Variants in NPAS3 observed in about 807,000 individuals in gnomAD.
NPAS3 encodes the protein neuronal PAS domain-containing protein 3.
Under a neutral mutation model 73.1 loss-of-function variants are expected in NPAS3, and 14 were observed. The ratio of observed to expected loss-of-function variants is 0.19; its 90% confidence interval spans 0.13 to 0.30. The LOEUF (loss-of-function observed/expected upper bound fraction) is 0.30, where lower values mean the gene tolerates loss of function less well. NPAS3 is among the 10% of genes least tolerant of loss of function. The pLI, the probability that NPAS3 is intolerant of heterozygous loss-of-function variation, is 1.00. For synonymous variants in NPAS3, 620 were observed against 541.5 expected (o/e 1.14, Z -2.01); for missense variants, 1,096 against 1,250.0 (o/e 0.88, Z 1.86).
At chr14:33,367,160 T>TTTTC (rs141959357) in intron 3 of NPAS3, 26 bp from the exon 4 acceptor site, 1 of 827,630 alleles carries the variant, frequency 1.2e-6, no homozygotes, top group Admixed American at 2.1e-5. Context: ...AATTGTTCTG[T>TTTTC]TTTCTTTCTT....
chr14:33,199,874 C>T (rs1013552825), intron 2 of NPAS3, among the ~76,000 whole-genome samples: 1 of 152,048 alleles, frequency 6.6e-6, no homozygotes. Context: ...AGATCAGCAG[C>T]AGCATAATCA....
upstream of NPAS3, chr14:32,939,255 GC>G (rs1555373210): frequency 1.7e-5 from 7 of 405,146 alleles, no homozygotes; most frequent in Non-Finnish European, 2.9e-5. Flanking sequence ...GCCCGCCCAC[GC>G]CCCCCACCCG....
At chr14:33,746,160 T>TTTTTA (rs1019702591) in intron 7 of NPAS3, among the ~76,000 whole-genome samples, 1 of 151,222 alleles carries the variant, frequency 6.6e-6, no homozygotes, top group Non-Finnish European at 1.5e-5. Flanking sequence ...GACTCATTCT[T>TTTTTA]TTTTATTTTA....
chr14:33,322,407 CT>C (rs1435432843), intron 3 of NPAS3, among the ~76,000 whole-genome samples: 1 of 151,372 alleles, frequency 6.6e-6, no homozygotes, highest in Non-Finnish European at 1.5e-5. Flanking sequence ...TTCAGATCTA[CT>C]TTTGCATTCC....
chr14:33,192,501 C>T (rs901183782), intron 2 of NPAS3, among the ~76,000 whole-genome samples: 1 of 152,178 alleles, frequency 6.6e-6, no homozygotes, highest in Admixed American at 6.5e-5. Flanking sequence ...TGAGTCTTGC[C>T]AGTGTGTTGG....
intron 2 of NPAS3, among the ~76,000 whole-genome samples, chr14:33,206,698 G>A (rs753058103): frequency 6.6e-6 from 1 of 152,058 alleles, no homozygotes; most frequent in Non-Finnish European, 1.5e-5. Context: ...TTTATATTAG[G>A]TTCCATGATG....
intron 9 of NPAS3, among the ~76,000 whole-genome samples, chr14:33,791,194 C>T (rs537745679): frequency 6.6e-6 from 1 of 152,180 alleles, no homozygotes; most frequent in Non-Finnish European, 1.5e-5. Flanking sequence ...ACGGTGGGCT[C>T]CCGAACCTGC....
chr14:33,306,551 G>A (rs973425951), intron 3 of NPAS3, among the ~76,000 whole-genome samples: 1 of 152,196 alleles, frequency 6.6e-6, no homozygotes, highest in African/African-American at 2.4e-5. Flanking sequence ...AAGATGAATT[G>A]TGGGAATGCA....
chr14:33,268,347 C>T (rs1325423279), intron 3 of NPAS3, among the ~76,000 whole-genome samples: 2 of 152,152 alleles, frequency 1.3e-5, no homozygotes, highest in South Asian at 2.1e-4. Flanking sequence ...GAGATGCTAT[C>T]TCTCCATAGA....
intron 4 of NPAS3, among the ~76,000 whole-genome samples, chr14:33,460,990 G>C (rs2050237818): frequency 6.6e-6 from 1 of 152,108 alleles, no homozygotes; most frequent in Non-Finnish European, 1.5e-5. Context: ...TGACAACAAG[G>C]ACATTTTTGA....
At chr14:33,194,788 G>A (rs757415753) in intron 2 of NPAS3, among the ~76,000 whole-genome samples, 116 of 152,240 alleles carry the variant, frequency 7.6e-4, no homozygotes, top group Non-Finnish European at 1.2e-3. Flanking sequence ...TACTTTGGCC[G>A]CTCAGGTTTT....
chr14:33,623,206 G>T (rs1405298979), intron 5 of NPAS3, among the ~76,000 whole-genome samples: 1 of 152,074 alleles, frequency 6.6e-6, no homozygotes, highest in African/African-American at 2.4e-5. Flanking sequence ...TCAATATTTT[G>T]CTAAAAATAC....
At chr14:33,762,107 T>C (rs1311801891) in intron 7 of NPAS3, among the ~76,000 whole-genome samples, 1 of 152,224 alleles carries the variant, frequency 6.6e-6, no homozygotes, top group Non-Finnish European at 1.5e-5. Context: ...CCAAAAGGAC[T>C]CTTGAGAAAT....
intron 4 of NPAS3, among the ~76,000 whole-genome samples, chr14:33,537,892 G>A (rs544638536): frequency 2.0e-5 from 3 of 152,236 alleles, no homozygotes; most frequent in South Asian, 2.1e-4. Flanking sequence ...AGCACTGCTC[G>A]CCTTGACGAT....
At position 33,080,876 on chromosome 14, in the gene NPAS3, C is replaced by G. The variant is rs60351482; in HGVS notation, c.140+24882C>G. 3.6e-3 allele frequency among the ~76,000 whole-genome samples: 549 copies of G among 152,332 alleles called. 5 individuals are homozygous for G. The highest frequency in any genetic ancestry group is 0.013 in the African/African-American group (529 of 41,578). ...TACTCTGATTTTTAGTTAAAAGCTGCTTAACAAAGAGAATGTTGTTCTTTC... is the reference window on the plus strand; with the variant it reads ...TACTCTGATTTTTAGTTAAAAGCTGGTTAACAAAGAGAATGTTGTTCTTTC... On this transcript the variant is annotated intron_variant, in intron 2 of 11. Coordinates refer to ENST00000356141, the Ensembl canonical transcript of NPAS3.
chr14:33,672,701 GAA>G (rs3059410), intron 5 of NPAS3, among the ~76,000 whole-genome samples: 54,749 of 144,992 alleles, frequency 0.38, 10,641 homozygotes, highest in African/African-American at 0.52. Context: ...CCATAAGAGA[GAA>G]AAAAAAAAAA....
chr14:33,739,302 G>A (rs1249914296), intron 7 of NPAS3, among the ~76,000 whole-genome samples: 1 of 152,114 alleles, frequency 6.6e-6, no homozygotes, highest in Admixed American at 6.5e-5. Flanking sequence ...TTTGGGCATG[G>A]ATTTACCTGT....
chr14:33,132,600 G>T (rs2043683782), intron 2 of NPAS3, among the ~76,000 whole-genome samples: 1 of 152,060 alleles, frequency 6.6e-6, no homozygotes, highest in African/African-American at 2.4e-5. Context: ...AGGAGTGAGG[G>T]ATGGTGAGAA....
chr14:33,250,365 C>G (rs1199208412), intron 3 of NPAS3, among the ~76,000 whole-genome samples: 1 of 151,988 alleles, frequency 6.6e-6, no homozygotes, highest in Non-Finnish European at 1.5e-5. Flanking sequence ...TGTGGTAACT[C>G]TAAGTAATTG....
Sources: allele counts gnomAD v4.1 joint callset (sites outside exome capture counted in the v4.1 genomes callset), GRCh38; gene constraint gnomAD v4.1.1; transcripts MANE v1.5; gene names NCBI Gene and HGNC (gene_info 2026-07-23, HGNC 2026-07-21).